SLC16A6: variants seen among roughly 807,000 people sequenced by gnomAD.
SLC16A6 encodes the protein solute carrier family 16 member 6, also known as monocarboxylate transporter 7.
In SLC16A6, 15 loss-of-function variants were observed where a neutral mutation model predicts 33.8. That is an observed-to-expected ratio of 0.44 (90% confidence interval 0.30 to 0.68). The LOEUF (loss-of-function observed/expected upper bound fraction) is 0.68, where lower values mean the gene tolerates loss of function less well. SLC16A6 is among the 30% of genes least tolerant of loss of function. The probability of loss-of-function intolerance (pLI) is 0.10; values close to 1 mark genes in which losing one functional copy is unlikely to be tolerated. For missense variants in SLC16A6, 451 were observed against 661.5 expected (o/e 0.68, Z 3.49); for synonymous variants, 219 against 248.4 (o/e 0.88, Z 1.11).
At position 68,269,158 on chromosome 17, in the gene SLC16A6, A is replaced by G; in HGVS notation, c.1510T>C (p.Phe504Leu). 1 of 1,530,034 alleles carries G rather than the reference A, an allele frequency of 6.5e-7. No homozygotes were observed. The highest frequency in any genetic ancestry group is 8.7e-7 in the Non-Finnish European group (1 of 1,146,022). The allele number at this position is 1,530,034 out of a possible 1,614,324, so 94.8% of individuals were successfully genotyped here. A position where few individuals can be genotyped will look rare whatever the true frequency, so the allele number is the denominator to read the frequency against. The change falls in exon 6 of 6, where the codon TTT becomes CTT. Residue 504 changes from phenylalanine (F) to leucine (L), a missense_variant. By Grantham distance (22) the Phe-to-Leu change is conservative. Transcript: ENST00000580666. ...GKTLQDIPED[F>L]LEMDLAKNEH... ...TTTTTTGCAAGATCCATTTCCAGAA[A>G]GTCTTCAGGTATGTCCTGTAAAGTC...
At chr17:68,281,837 T>C (rs1814938173) in intron 1 of SLC16A6, among the ~76,000 whole-genome samples, 1 of 152,014 alleles carries the variant, frequency 6.6e-6, no homozygotes, top group Non-Finnish European at 1.5e-5. Flanking sequence ...GTACGGCCAA[T>C]AAGGAGAACA....
At chr17:68,272,899 G>T in intron 3 of SLC16A6, 132 bp from the exon 4 acceptor site, 1 of 1,068,538 alleles carries the variant, frequency 9.4e-7, no homozygotes, top group Non-Finnish European at 1.3e-6. Context: ...AATTCATTCT[G>T]GACAAAGGTG....
chr17:68,274,864 T>C (rs2075461070), intron 2 of SLC16A6, among the ~76,000 whole-genome samples: 1 of 151,484 alleles, frequency 6.6e-6, no homozygotes, highest in African/African-American at 2.4e-5. Context: ...CACTGCAACC[T>C]CCACCTCCTG....
chr17:68,288,923 A>C (rs2075903562), intron 1 of SLC16A6, among the ~76,000 whole-genome samples: 1 of 152,174 alleles, frequency 6.6e-6, no homozygotes, highest in African/African-American at 2.4e-5. Context: ...AAACTCGACA[A>C]TTCTGAATGG....
In SLC16A6 at chr17:68,271,541, C is replaced by T. The variant is rs782463305; in HGVS notation, c.619G>A (p.Gly207Arg). ...ATGACTATTTTCGGTGACGCTGGTCCTCTGATAAAGATGGGTCTGAGCAGT... is the reference window on the plus strand; with the variant it reads ...ATGACTATTTTCGGTGACGCTGGTCTTCTGATAAAGATGGGTCTGAGCAGT... ...GALLRPIFIR[G>R]PASPKIVIQE... Residue 207 changes from glycine to arginine, a missense_variant, in exon 5 of 6, where the codon GGA becomes AGA. Physicochemically the swap from Gly to Arg is moderately radical, Grantham distance 125 (BLOSUM62 -2). Transcript: ENST00000580666. The surrounding 1 kb of genome is among the most constrained non-coding windows in gnomAD (Gnocchi z 5.3). 8.7e-6 allele frequency: 14 copies of T among 1,614,048 alleles called. No individual in the cohort carries two copies. The East Asian group carries it at 2.7e-4, about 31-fold the overall frequency.
chr17:68,290,793 G>A (rs755541915), intron 1 of SLC16A6, among the ~76,000 whole-genome samples: 3 of 152,226 alleles, frequency 2.0e-5, no homozygotes, highest in Non-Finnish European at 2.9e-5. Context: ...GGGGCAGGGG[G>A]CACTCAAAGG....
chr17:68,284,585 G>A (rs1176824063), intron 1 of SLC16A6, among the ~76,000 whole-genome samples: 1 of 152,032 alleles, frequency 6.6e-6, no homozygotes, highest in African/African-American at 2.4e-5. Flanking sequence ...AAAATAACAG[G>A]ACACAACCTC....
rs542264053 is a variant in SLC16A6 at position 68,287,990 on chromosome 17, CTT to C, written c.-8+3094_-8+3095del. 2.2e-3 allele frequency among the ~76,000 whole-genome samples: 274 copies of C among 126,026 alleles called. 2 individuals are homozygous for C. The highest frequency in any genetic ancestry group is 0.016 in the Middle Eastern group (4 of 252). The allele number at this position is 126,026 out of a possible 152,430, so 82.7% of individuals were successfully genotyped here. A position where few individuals can be genotyped will look rare whatever the true frequency, so the allele number is the denominator to read the frequency against. ...CTCTCTCCCCCTCCCTCCCTCCTTT[CTT>C]TTTTTTTTTTTTTTGGGGGTTGGGG... On this transcript the variant is annotated intron_variant, in intron 1 of 5. Transcript: ENST00000580666.
Position 68,278,273 on chromosome 17 carries a change from A to G in SLC16A6, c.48T>C (p.Thr16=), listed in dbSNP as rs553320122. 6.2e-7 allele frequency: 1 copy of G among 1,614,210 alleles called. No homozygotes were observed. Among genetic ancestry groups the G allele is most frequent in the Admixed American group, 1.7e-5 (1 of 60,024 alleles). ...LKLCSKANVY[T]EVPDGGWGWA... ...AGCCCCATCCTCCATCAGGCACTTC[A>G]GTATACACATTGGCTTTGGAACAAA... The change falls in exon 2 of 6, where the codon ACT becomes ACC. Residue 16 remains threonine, a synonymous_variant. Coordinates refer to ENST00000580666, the MANE Select transcript of SLC16A6 (RefSeq NM_004694.5).
chr17:68,274,174 A>C, intron 2 of SLC16A6, 104 bp from the exon 3 acceptor site: 1 of 1,290,850 alleles, frequency 7.7e-7, no homozygotes, highest in South Asian at 1.4e-5. Context: ...ATGATGTCGA[A>C]TATAAATATG....
At chr17:68,280,311 A>G (rs990200691) in intron 1 of SLC16A6, among the ~76,000 whole-genome samples, 2 of 152,200 alleles carry the variant, frequency 1.3e-5, no homozygotes, top group South Asian at 4.1e-4. Context: ...GTATGGAACC[A>G]CAAAAGATCA....
At position 68,268,425 on chromosome 17, in the gene SLC16A6, G is replaced by GTT. The variant is rs1359607016; in HGVS notation, c.*669_*670dup. On this transcript the variant is annotated 3_prime_UTR_variant, in exon 6 of 6. Transcript: ENST00000580666. Reference sequence around the variant, plus strand: ...TAATCTTCACATTTATGAAGTTCAAGTTATATATATATATATATACTTAAA... The same window carrying GTT: ...TAATCTTCACATTTATGAAGTTCAAGTTTTATATATATATATATATACTTAAA... 1.1e-5 allele frequency: 1 copy of GTT among 93,290 alleles called. No homozygotes were observed. The highest frequency in any genetic ancestry group is 5.0e-5 in the African/African-American group (1 of 20,090). 5.8% of individuals were successfully genotyped at this position (93,290 alleles called of 1,614,324 possible). A position where few individuals can be genotyped will look rare whatever the true frequency, so the allele number is the denominator to read the frequency against.
At position 68,274,083 on chromosome 17, in the gene SLC16A6, A is replaced by G. The variant is rs77140798; in HGVS notation, c.233-13T>C. 3.0e-3 allele frequency: 4,754 copies of G among 1,609,074 alleles called. 108 individuals carry two copies. The African/African-American group carries it at 0.054, about 18-fold the overall frequency. On this transcript the variant is annotated splice_polypyrimidine_tract_variant and intron_variant, in intron 2 of 5. Coordinates refer to ENST00000580666, the MANE Select transcript of SLC16A6 (RefSeq NM_004694.5). ...GTGGCGAGGGGAGCTGCCGGGAAAG[A>G]ACAAAACGATATTTTAACTCACAGA...
chr17:68,281,329 G>A (rs545766070), intron 1 of SLC16A6, among the ~76,000 whole-genome samples: 15 of 152,204 alleles, frequency 9.9e-5, no homozygotes, highest in African/African-American at 3.6e-4. Context: ...AGCACTTTGG[G>A]AGCCTGAGGC....
chr17:68,277,323 G>C (rs1555751287), intron 2 of SLC16A6, among the ~76,000 whole-genome samples: 1 of 151,938 alleles, frequency 6.6e-6, no homozygotes, highest in Non-Finnish European at 1.5e-5. Flanking sequence ...GTAGAGAGGG[G>C]GTTTCACTAT....
rs1191909067 is a variant in SLC16A6 at position 68,277,085 on chromosome 17, A to G, written c.232+1004T>C. On this transcript the variant is annotated intron_variant, in intron 2 of 5. Transcript: ENST00000580666. Reference sequence around the variant, plus strand: ...TTTTGCTTCATGCATCCACATTTACATGTTTCCACTTGGAATTATGAGATT... The same window carrying G: ...TTTTGCTTCATGCATCCACATTTACGTGTTTCCACTTGGAATTATGAGATT... Among the ~76,000 whole-genome samples the G allele has an allele frequency of 2.6e-5, 4 of 152,064 alleles. No individual in the cohort carries two copies. In the East Asian group the frequency reaches 7.7e-4, roughly 29 times the overall value.
intron 1 of SLC16A6, among the ~76,000 whole-genome samples, chr17:68,286,471 G>T (rs2075844623): frequency 6.6e-6 from 1 of 152,122 alleles, no homozygotes; most frequent in South Asian, 2.1e-4. Flanking sequence ...GCCTTCCAGG[G>T]CTCCTGCTGT....
chr17:68,288,769 C>T (rs1225085412), intron 1 of SLC16A6, among the ~76,000 whole-genome samples: 1 of 152,170 alleles, frequency 6.6e-6, no homozygotes, highest in African/African-American at 2.4e-5. Context: ...CTTCTTAAAG[C>T]TCTTAGGCCA....
At chr17:68,279,552 G>C (rs548450770) in intron 1 of SLC16A6, among the ~76,000 whole-genome samples, 16 of 152,198 alleles carry the variant, frequency 1.1e-4, no homozygotes, top group African/African-American at 3.9e-4. Flanking sequence ...GTCTAAATAA[G>C]GTACTATTAT....
Sources: gnomAD v4.1 joint callset for allele counts (sites outside exome capture counted in the v4.1 genomes callset) on GRCh38, gnomAD v4.1.1 for gene constraint, Gnocchi (gnomAD v3.1) non-coding constraint, MANE v1.5 for transcripts, NCBI Gene and HGNC (gene_info 2026-07-23, HGNC 2026-07-21) for gene names.